Variants in CNTN4 observed in about 807,000 individuals in gnomAD.
CNTN4 encodes contactin-4.
In CNTN4, 77 loss-of-function variants were observed where a neutral mutation model predicts 122.5. The ratio of observed to expected loss-of-function variants is 0.63; its 90% CI spans 0.52 to 0.76. CNTN4 has a LOEUF of 0.76. CNTN4 is among the 30% of genes least tolerant of loss of function. The pLI is 0.00. For missense variants in CNTN4, 1,256 were observed against 1,259.1 expected (o/e 1.00, Z 0.04); for synonymous variants, 512 against 447.0 (o/e 1.15, Z -1.83).
chr3:2,910,914 C>G (rs926566469), intron 12 of CNTN4, among the ~76,000 whole-genome samples: 1 of 152,148 alleles, frequency 6.6e-6, no homozygotes, highest in Admixed American at 6.5e-5. Flanking sequence ...TAAGAGATTT[C>G]TGCACTCCAG....
chr3:3,033,318 A>G (rs1447114354), intron 16 of CNTN4, among the ~76,000 whole-genome samples: 1 of 152,232 alleles, frequency 6.6e-6, no homozygotes, highest in Admixed American at 6.5e-5. Flanking sequence ...GTTCCAGCAT[A>G]CAGATTTCCA....
At chr3:2,618,664 G>C (rs2081874804) in intron 4 of CNTN4, among the ~76,000 whole-genome samples, 1 of 152,080 alleles carries the variant, frequency 6.6e-6, no homozygotes, top group Non-Finnish European at 1.5e-5. Context: ...TCAGGCTCTG[G>C]AGTCATTGCT....
Position 2,883,326 on chromosome 3 carries a change from G to A in CNTN4, c.755+79G>A, listed in dbSNP as rs187778971. 2.0e-4 allele frequency: 210 copies of A among 1,027,196 alleles called. No individual in the cohort carries two copies. The East Asian group carries it at 2.7e-3, about 13-fold the overall frequency. 63.6% of individuals were successfully genotyped at this position (1,027,196 alleles called of 1,614,324 possible). On this transcript the variant is annotated intron_variant, in intron 9 of 24. Transcript: ENST00000418658. The stretch of plus-strand genomic sequence containing the variant: ...GAGTTTTTCTTGCACTGTTCACAGC[G>A]ATGGTTTCTGAGGTGACGGAAAAGC...
At chr3:2,852,588 G>A (rs1288244977) in intron 7 of CNTN4, among the ~76,000 whole-genome samples, 1 of 152,232 alleles carries the variant, frequency 6.6e-6, no homozygotes, top group Non-Finnish European at 1.5e-5. Context: ...AGTATTGCAC[G>A]TGATCCCCCA....
At chr3:2,568,433 A>G (rs941002622) in intron 3 of CNTN4, among the ~76,000 whole-genome samples, 1 of 150,956 alleles carries the variant, frequency 6.6e-6, no homozygotes, top group Non-Finnish European at 1.5e-5. Flanking sequence ...CCTTCTTAGG[A>G]TTTACGAGTC....
intron 7 of CNTN4, among the ~76,000 whole-genome samples, chr3:2,856,925 C>A (rs566056814): frequency 2.6e-4 from 39 of 152,200 alleles, no homozygotes; most frequent in Admixed American, 1.2e-3. Context: ...TCAAAGCTGC[C>A]CTTTGGTAGG....
At chr3:2,489,578 C>T (rs1480231695) in intron 3 of CNTN4, among the ~76,000 whole-genome samples, 1 of 152,130 alleles carries the variant, frequency 6.6e-6, no homozygotes, top group Non-Finnish European at 1.5e-5. Flanking sequence ...GAGTAACTTC[C>T]TATGTTCAAT....
intron 4 of CNTN4, among the ~76,000 whole-genome samples, chr3:2,586,914 C>T (rs749038458): frequency 6.6e-6 from 1 of 152,188 alleles, no homozygotes; most frequent in South Asian, 2.1e-4. Context: ...TCCTGACCTA[C>T]TCTGGTATGT....
intron 6 of CNTN4, among the ~76,000 whole-genome samples, chr3:2,795,266 C>T (rs550608716): frequency 1.3e-5 from 2 of 152,214 alleles, no homozygotes; most frequent in South Asian, 4.1e-4. Context: ...TTGGACCTGA[C>T]AGGCTGACCC....
intron 8 of CNTN4, 139 bp from the exon 9 acceptor site, chr3:2,883,006 A>G (rs2093930022): frequency 1.5e-6 from 1 of 668,286 alleles, no homozygotes; most frequent in Non-Finnish European, 2.7e-6. Flanking sequence ...ACTGCTGGAG[A>G]TAGGACCTGC....
intron 2 of CNTN4, among the ~76,000 whole-genome samples, chr3:2,264,212 G>A (rs2040951418): frequency 2.0e-5 from 3 of 152,060 alleles, no homozygotes; most frequent in Non-Finnish European, 2.9e-5. Context: ...TACTGGCTGT[G>A]CTACTTTTAC....
rs7645441 is a variant in CNTN4, at chr3:2,955,452, C to T, written c.1358+29673C>T. 6.5e-3 allele frequency among the ~76,000 whole-genome samples: 984 copies of T among 152,284 alleles called. 9 individuals are homozygous for T. Among genetic ancestry groups the T allele is most frequent in the African/African-American group, 0.021 (892 of 41,564 alleles). On this transcript the variant is annotated intron_variant, in intron 13 of 24. Transcript: ENST00000418658. Reference sequence around the variant, plus strand: ...TCTGTTCTCAGACAGGTGTCATCCTCATTACCACAAAATGGCTGCAGCAGC... The same window carrying T: ...TCTGTTCTCAGACAGGTGTCATCCTTATTACCACAAAATGGCTGCAGCAGC...
intron 4 of CNTN4, among the ~76,000 whole-genome samples, chr3:2,668,744 C>T (rs2084321151): frequency 1.3e-5 from 2 of 152,064 alleles, no homozygotes; most frequent in Admixed American, 6.6e-5. Context: ...ATAGATAGTT[C>T]TTATTATTTT....
In CNTN4 at chr3:3,024,611, A is replaced by G. The variant is rs566670378; in HGVS notation, c.1487-1491A>G. Among the ~76,000 whole-genome samples the G allele has an allele frequency of 1.9e-3, 293 of 152,228 alleles. 1 individual carries two copies. The highest frequency in any genetic ancestry group is 6.7e-3 in the African/African-American group (279 of 41,558). On this transcript the variant is annotated intron_variant, in intron 14 of 24. Transcript: ENST00000418658. Reference sequence around the variant, plus strand: ...AAAGCACATTAATCTACTTATCATGATCTTTTCCTATTTTTAGAAAACAAC... The same window carrying G: ...AAAGCACATTAATCTACTTATCATGGTCTTTTCCTATTTTTAGAAAACAAC...
At chr3:2,888,220 A>AG (rs748551028) in intron 10 of CNTN4, among the ~76,000 whole-genome samples, 5 of 152,098 alleles carry the variant, frequency 3.3e-5, no homozygotes, top group South Asian at 2.1e-4. Flanking sequence ...CTCTTGGCTA[A>AG]GGGGGGGCCC....
At chr3:2,909,172 G>A (rs1452586623) in intron 12 of CNTN4, among the ~76,000 whole-genome samples, 1 of 152,168 alleles carries the variant, frequency 6.6e-6, no homozygotes, top group Non-Finnish European at 1.5e-5. Flanking sequence ...GATCAGCATC[G>A]AATGAGAGGA....
chr3:3,040,864 T>C (rs1237533974), intron 20 of CNTN4, among the ~76,000 whole-genome samples: 1 of 151,612 alleles, frequency 6.6e-6, no homozygotes, highest in Non-Finnish European at 1.5e-5. Context: ...GAGGCGGAGG[T>C]TGCGGTGAGC....
chr3:2,660,929 A>G (rs763428479), intron 4 of CNTN4, among the ~76,000 whole-genome samples: 7 of 152,268 alleles, frequency 4.6e-5, no homozygotes, highest in African/African-American at 9.6e-5. Context: ...ACTAAAGGTC[A>G]TCACAACTAG....
In CNTN4 at chr3:2,781,065, G is replaced by C. The variant is rs73807932; in HGVS notation, c.358+35368G>C. Among the ~76,000 whole-genome samples the C allele has an allele frequency of 7.3e-3, 1,110 of 152,190 alleles. 12 individuals are homozygous for C. The highest frequency in any genetic ancestry group is 0.026 in the African/African-American group (1,070 of 41,534). Reference sequence around the variant, plus strand: ...GCAGTAGAAATGGGAAAAATAAAAAGAAATATACATGGAGTGGTGAGGTTC... The same window carrying C: ...GCAGTAGAAATGGGAAAAATAAAAACAAATATACATGGAGTGGTGAGGTTC... On this transcript the variant is annotated intron_variant, in intron 6 of 24. Coordinates refer to ENST00000418658, the MANE Select transcript of CNTN4 (RefSeq NM_175607.3).
Sources: gnomAD v4.1 joint callset for allele counts (sites outside exome capture counted in the v4.1 genomes callset) on GRCh38, gnomAD v4.1.1 for gene constraint, MANE v1.5 for transcripts, NCBI Gene and HGNC (gene_info 2026-07-23, HGNC 2026-07-21) for gene names.